Variants in KLHL29 observed in about 807,000 individuals in gnomAD.
KLHL29 encodes the protein kelch-like protein 29.
In KLHL29, 21 loss-of-function variants were observed where a neutral mutation model predicts 80.4. The ratio of observed to expected loss-of-function variants is 0.26; its 90% CI spans 0.19 to 0.38. KLHL29 has a LOEUF of 0.38. KLHL29 is among the 10% of genes least tolerant of loss of function. The probability of loss-of-function intolerance (pLI) is 1.00; values close to 1 mark genes in which losing one functional copy is unlikely to be tolerated. For missense variants in KLHL29, 867 were observed against 1,223.9 expected (o/e 0.71, Z 4.35); for synonymous variants, 511 against 526.8 (o/e 0.97, Z 0.41).
chr2:23,706,625 C>A lies in KLHL29; in HGVS notation c.2589C>A (p.His863Gln). ...ACATGCCCTGCCCTGTGTTCAGACA[C>A]GGCTGCGTCGTGATAAAGAAATATA... ...LPHMPCPVFR[H>Q]GCVVIKKYIQ... is the part of the protein sequence containing the mutation. The change falls in exon 14 of 14, where the codon CAC becomes CAA. Residue 863 changes from histidine to glutamine, a missense_variant. This residue lies in a region of KLHL29 where 443 missense variants were observed against 767.0 expected (regional missense o/e 0.58). Coordinates refer to ENST00000486442, the MANE Select transcript of KLHL29 (RefSeq NM_052920.2). 6.5e-7 allele frequency: 1 copy of A among 1,534,874 alleles called. No individual in the cohort carries two copies. The highest frequency in any genetic ancestry group is 8.7e-7 in the Non-Finnish European group (1 of 1,145,676).
chr2:23,670,647 T>A (rs1184811077), intron 5 of KLHL29, among the ~76,000 whole-genome samples: 1 of 152,206 alleles, frequency 6.6e-6, no homozygotes, highest in East Asian at 1.9e-4. Context: ...TAAGATTTTC[T>A]AATATTCCTC....
intron 3 of KLHL29, among the ~76,000 whole-genome samples, chr2:23,603,338 C>T (rs1223113325): frequency 1.3e-5 from 2 of 152,178 alleles, no homozygotes; most frequent in African/African-American, 4.8e-5. Flanking sequence ...CAAGGTGTTT[C>T]CTGGGCTGGA....
intron 3 of KLHL29, chr2:23,616,430 T>C (rs1174357567): frequency 6.6e-6 from 1 of 152,158 alleles, no homozygotes; most frequent in Admixed American, 6.5e-5. Flanking sequence ...GAAAAAAACA[T>C]TTACCAAGTC....
intron 2 of KLHL29, among the ~76,000 whole-genome samples, chr2:23,507,580 T>G (rs1665641208): frequency 6.6e-6 from 1 of 152,190 alleles, no homozygotes; most frequent in African/African-American, 2.4e-5. Flanking sequence ...GGCTACATTC[T>G]TGAAATCTAA....
At chr2:23,516,062 G>A (rs1179824198) in intron 2 of KLHL29, among the ~76,000 whole-genome samples, 1 of 152,230 alleles carries the variant, frequency 6.6e-6, no homozygotes, top group African/African-American at 2.4e-5. Context: ...GAGCTGGACA[G>A]CAGGGTCCCC....
chr2:23,520,295 C>A (rs1666052883), intron 2 of KLHL29, among the ~76,000 whole-genome samples: 1 of 152,218 alleles, frequency 6.6e-6, no homozygotes. Context: ...TCTGCGCTTT[C>A]ATGGGCTCAG....
intron 3 of KLHL29, among the ~76,000 whole-genome samples, chr2:23,579,459 A>T (rs996291045): frequency 3.9e-5 from 6 of 152,092 alleles, no homozygotes; most frequent in African/African-American, 1.4e-4. Flanking sequence ...TGCCTGGCTC[A>T]GGGCTCAGGT....
chr2:23,627,108 G>C (rs1669335136), intron 3 of KLHL29, among the ~76,000 whole-genome samples: 1 of 152,302 alleles, frequency 6.6e-6, no homozygotes, highest in Middle Eastern at 3.4e-3. Context: ...GGCTGTTTCT[G>C]TGTCCCCTGC....
At position 23,621,576 on chromosome 2, in the gene KLHL29, G is replaced by A. The variant is rs575253223; in HGVS notation, c.286-17563G>A. On this transcript the variant is annotated intron_variant, in intron 3 of 13. Transcript: ENST00000486442. ...GGGAGGGGAGGGGGAGGAGGAGTAC[G>A]CTCAAGCCCTGGTGCTAATGGGACA... 5.3e-5 allele frequency among the ~76,000 whole-genome samples: 8 copies of A among 152,126 alleles called. No homozygotes were observed. In the South Asian group the frequency reaches 1.2e-3, roughly 24 times the overall value.
intron 2 of KLHL29, among the ~76,000 whole-genome samples, chr2:23,516,957 C>T (rs1448443938): frequency 6.6e-6 from 1 of 152,214 alleles, no homozygotes; most frequent in East Asian, 1.9e-4. Context: ...GCAGCGTGGG[C>T]TTTGTCAGGC....
rs1047091001 is a variant in KLHL29 at position 23,695,914 on chromosome 2, G to C, written c.1742-37G>C. 3.2e-6 allele frequency: 5 copies of C among 1,545,648 alleles called. No homozygotes were observed. The highest frequency in any genetic ancestry group is 3.9e-5 in the Admixed American group (2 of 50,764). ...CCAGGCACAGATGCCGACAGTCTTA[G>C]AGTGTGTCCCAAGGGCGCCCATCCA... On this transcript the variant is annotated intron_variant, in intron 9 of 13. Coordinates refer to ENST00000486442, the MANE Select transcript of KLHL29 (RefSeq NM_052920.2). This position sits in a 1 kb window ranked among gnomAD's most constrained non-coding sequence, Gnocchi z 7.6.
At chr2:23,389,345 A>G (rs1666263700) in intron 1 of KLHL29, among the ~76,000 whole-genome samples, 1 of 152,212 alleles carries the variant, frequency 6.6e-6, no homozygotes, top group Non-Finnish European at 1.5e-5. Flanking sequence ...AGAAATATCA[A>G]GGCAAGCATT....
chr2:23,646,515 C>T (rs779205842), intron 5 of KLHL29, among the ~76,000 whole-genome samples: 1 of 152,200 alleles, frequency 6.6e-6, no homozygotes, highest in African/African-American at 2.4e-5. Context: ...AAGCAAAGCC[C>T]GTGTCAACCT....
chr2:23,532,728 TCCCAG>T, intron 2 of KLHL29: 1 of 448,364 alleles, frequency 2.2e-6, no homozygotes. Context: ...GGAGGTGTGT[TCCCAG>T]CCTCACCCAC....
rs55790582 is a variant in KLHL29 at position 23,408,263 on chromosome 2, T to TAAAAAAAAAAAAAA, written c.-154+22508_-154+22521dup. Reference sequence around the variant, plus strand: ...GAGGAAATTTAGAAGCATTTCACGCTAAAAAAAAAAAAAAAAAAAAAAAAA... The same window carrying TAAAAAAAAAAAAAA: ...GAGGAAATTTAGAAGCATTTCACGCTAAAAAAAAAAAAAAAAAAAAAAAAAAAAAAAAAAAAAAA... On this transcript the variant is annotated intron_variant, in intron 1 of 13. Coordinates refer to ENST00000486442, the MANE Select transcript of KLHL29 (RefSeq NM_052920.2). 2.8e-4 allele frequency among the ~76,000 whole-genome samples: 15 copies of TAAAAAAAAAAAAAA among 52,684 alleles called. 1 individual carries two copies. Among genetic ancestry groups the TAAAAAAAAAAAAAA allele is most frequent in the Non-Finnish European group, 3.7e-4 (11 of 29,404 alleles). The allele number at this position is 52,684 out of a possible 152,430, so 34.6% of individuals were successfully genotyped here. A position where few individuals can be genotyped will look rare whatever the true frequency, so the allele number is the denominator to read the frequency against.
chr2:23,691,905 G>T (rs1319308875), intron 7 of KLHL29, 29 bp downstream of exon 7: 1 of 1,541,350 alleles, frequency 6.5e-7, no homozygotes, highest in Non-Finnish European at 8.7e-7. Flanking sequence ...TATGTCGCTT[G>T]GGGGGAAGAG....
At chr2:23,395,512 C>T (rs142511829) in intron 1 of KLHL29, among the ~76,000 whole-genome samples, 54 of 152,084 alleles carry the variant, frequency 3.6e-4, no homozygotes, top group African/African-American at 1.1e-3. Flanking sequence ...TTTGGGAGGC[C>T]GAGGTGGGCG....
chr2:23,626,235 C>T (rs780125011), intron 3 of KLHL29, among the ~76,000 whole-genome samples: 9 of 152,160 alleles, frequency 5.9e-5, no homozygotes, highest in South Asian at 2.1e-4. Flanking sequence ...AATCTCATGC[C>T]GCCACTGATC....
At chr2:23,595,427 T>C (rs1668371947) in intron 3 of KLHL29, among the ~76,000 whole-genome samples, 2 of 152,240 alleles carry the variant, frequency 1.3e-5, no homozygotes, top group South Asian at 2.1e-4. Context: ...AATGCTGATA[T>C]TCCTGACCCA....
Sources: allele counts gnomAD v4.1 joint callset (sites outside exome capture counted in the v4.1 genomes callset), GRCh38; gene constraint gnomAD v4.1.1; regional missense constraint gnomAD v4.1.1; non-coding constraint Gnocchi (gnomAD v3.1); transcripts MANE v1.5; gene names NCBI Gene and HGNC (gene_info 2026-07-23, HGNC 2026-07-21).